The following PPM1E variants were observed in gnomAD, a reference collection of about 807,000 sequenced individuals.
The protein encoded by PPM1E is protein phosphatase 1E.
PPM1E carries 20 observed loss-of-function variants against 65.9 expected under a neutral mutation model. The ratio of observed to expected loss-of-function variants is 0.30; its 90% CI spans 0.21 to 0.44. The LOEUF (loss-of-function observed/expected upper bound fraction) is 0.44. Among genes scored for constraint, PPM1E ranks in the 20% least tolerant of loss-of-function variants. PPM1E has a pLI of 1.00. For missense variants in PPM1E, 713 were observed against 953.1 expected, an observed-to-expected ratio of 0.75 and a Z score of 3.32; for synonymous variants, 352 against 374.9, an observed-to-expected ratio of 0.94 and a Z score of 0.70.
At chr17:58,806,150 A>G (rs998245782) in intron 1 of PPM1E, among the ~76,000 whole-genome samples, 10 of 152,050 alleles carry the variant, frequency 6.6e-5, no homozygotes, top group African/African-American at 2.4e-4. Flanking sequence ...CAGTTTTACA[A>G]ATAAGCAAAC....
intron 1 of PPM1E, among the ~76,000 whole-genome samples, chr17:58,892,455 C>T (rs938792753): frequency 3.3e-5 from 5 of 152,044 alleles, no homozygotes; most frequent in Admixed American, 6.6e-5. Flanking sequence ...TGCCTATATT[C>T]CCAGCTACTC....
chr17:58,921,099 G>A (rs986362700), intron 1 of PPM1E, among the ~76,000 whole-genome samples: 4 of 152,200 alleles, frequency 2.6e-5, no homozygotes, highest in Non-Finnish European at 5.9e-5. Context: ...AAGCCATTGT[G>A]ACTTTAATAA....
intron 6 of PPM1E, among the ~76,000 whole-genome samples, chr17:58,977,026 A>G (rs2031044158): frequency 6.6e-6 from 1 of 152,066 alleles, no homozygotes; most frequent in Non-Finnish European, 1.5e-5. Flanking sequence ...AAATTTTTGC[A>G]TTTTCTGCTT....
chr17:58,825,578 G>C (rs1344489859), intron 1 of PPM1E, among the ~76,000 whole-genome samples: 1 of 150,716 alleles, frequency 6.6e-6, no homozygotes, highest in Non-Finnish European at 1.5e-5. Context: ...TGTTGTTGTT[G>C]TTTGGAAACA....
intron 1 of PPM1E, among the ~76,000 whole-genome samples, chr17:58,844,404 C>T (rs1202235413): frequency 1.3e-5 from 2 of 151,998 alleles, no homozygotes; most frequent in Non-Finnish European, 1.5e-5. Flanking sequence ...ATAATGCTTA[C>T]AGATTAAAAA....
In PPM1E at chr17:58,930,039, A is replaced by G. The variant is rs144938813; in HGVS notation, c.465-25610A>G. ...AAATTTACTTGTTTTGTTTACGGTC[A>G]TACTACCCTGAACGTGCCTGATCTC... On this transcript the variant is annotated intron_variant, in intron 1 of 6. Transcript: ENST00000308249. Among the ~76,000 whole-genome samples, 5 of 152,212 alleles carry G rather than the reference A, an allele frequency of 3.3e-5. No homozygotes were observed. In the East Asian group the frequency reaches 7.7e-4, roughly 23 times the overall value.
intron 3 of PPM1E, among the ~76,000 whole-genome samples, chr17:58,968,065 G>A (rs187821530): frequency 6.6e-6 from 1 of 152,254 alleles, no homozygotes; most frequent in East Asian, 1.9e-4. Flanking sequence ...GCCTCTCAAA[G>A]TGCTGGAATT....
chr17:58,755,957 C>T lies in PPM1E; in HGVS notation c.-41C>T, dbSNP rs1325179731. 6.2e-7 allele frequency: 1 copy of T among 1,613,000 alleles called. No individual in the cohort carries two copies. The highest frequency in any genetic ancestry group is 1.3e-5 in the African/African-American group (1 of 75,020). ...CAGCCCCTTACCCTTCCTGGGCTTC[C>T]CCCAACCCCTTTCCCGGTCTGCCCT... is the stretch of plus-strand genomic sequence containing the variant. On this transcript the variant is annotated 5_prime_UTR_variant, in exon 1 of 7. Transcript: ENST00000308249.
At chr17:58,942,793 G>A (rs1048692245) in intron 1 of PPM1E, among the ~76,000 whole-genome samples, 2 of 151,340 alleles carry the variant, frequency 1.3e-5, no homozygotes, top group African/African-American at 4.9e-5. Context: ...CCTGCACATT[G>A]TGCACATGTA....
intron 1 of PPM1E, among the ~76,000 whole-genome samples, chr17:58,865,852 G>C (rs886279609): frequency 9.9e-5 from 15 of 152,198 alleles, no homozygotes; most frequent in African/African-American, 3.4e-4. Context: ...AGGCATGATT[G>C]TTAGGTGAAA....
intron 1 of PPM1E, among the ~76,000 whole-genome samples, chr17:58,848,755 C>T (rs2050795683): frequency 6.6e-6 from 1 of 152,164 alleles, no homozygotes; most frequent in Non-Finnish European, 1.5e-5. Flanking sequence ...GTGTCTCTGC[C>T]AGGCTTTGCT....
intron 1 of PPM1E, among the ~76,000 whole-genome samples, chr17:58,891,387 G>T (rs958576016): frequency 6.6e-6 from 1 of 151,726 alleles, no homozygotes; most frequent in Non-Finnish European, 1.5e-5. Flanking sequence ...CAGTGATGCA[G>T]TCTCGGCTCA....
At chr17:58,967,866 C>T (rs2030357774) in intron 3 of PPM1E, among the ~76,000 whole-genome samples, 2 of 150,892 alleles carry the variant, frequency 1.3e-5, no homozygotes, top group Admixed American at 6.6e-5. Flanking sequence ...TGAAGTGGCG[C>T]GATCTCGACT....
At chr17:58,801,113 C>T (rs1387099362) in intron 1 of PPM1E, among the ~76,000 whole-genome samples, 1 of 152,006 alleles carries the variant, frequency 6.6e-6, no homozygotes, top group Non-Finnish European at 1.5e-5. Context: ...GCCATGTACA[C>T]TTGGAAAGAA....
chr17:58,914,947 A>T (rs2051667605), intron 1 of PPM1E, among the ~76,000 whole-genome samples: 1 of 151,928 alleles, frequency 6.6e-6, no homozygotes, highest in Non-Finnish European at 1.5e-5. Context: ...TATGGGGGAG[A>T]GGAAAAGAGA....
chr17:58,900,164 TA>T (rs1454801374), intron 1 of PPM1E, among the ~76,000 whole-genome samples: 3 of 152,158 alleles, frequency 2.0e-5, no homozygotes, highest in Non-Finnish European at 2.9e-5. Flanking sequence ...GAATATCACA[TA>T]AAGTTAGTTG....
At chr17:58,816,777 TATATATATA>T (rs2143118764) in intron 1 of PPM1E, among the ~76,000 whole-genome samples, 1 of 14,950 alleles carries the variant, frequency 6.7e-5, no homozygotes, top group East Asian at 7.8e-4. Flanking sequence ...TATATATATA[TATATATATA>T]TATATATATT....
chr17:58,803,725 A>T (rs1159331971), intron 1 of PPM1E, among the ~76,000 whole-genome samples: 1 of 152,190 alleles, frequency 6.6e-6, no homozygotes, highest in East Asian at 1.9e-4. Flanking sequence ...AACCTGTAAG[A>T]CAAAAGTATA....
At chr17:58,890,668 T>G (rs2051334047) in intron 1 of PPM1E, among the ~76,000 whole-genome samples, 1 of 152,136 alleles carries the variant, frequency 6.6e-6, no homozygotes, top group African/African-American at 2.4e-5. Flanking sequence ...TACATGAATG[T>G]TTTTTCATTC....
Sources: allele counts gnomAD v4.1 joint callset (sites outside exome capture counted in the v4.1 genomes callset), GRCh38; gene constraint gnomAD v4.1.1; transcripts MANE v1.5; gene names NCBI Gene and HGNC (gene_info 2026-07-23, HGNC 2026-07-21).